The following B3GALT1 variants were observed in gnomAD, a reference collection of about 807,000 sequenced individuals.
B3GALT1 encodes the protein beta-1,3-galactosyltransferase 1.
A neutral mutation model predicts 23.2 loss-of-function variants in B3GALT1; 10 were observed. The observed-to-expected ratio is 0.43, with a 90% confidence interval of 0.27 to 0.73. The LOEUF (loss-of-function observed/expected upper bound fraction) is 0.73, where lower values mean the gene tolerates loss of function less well. Among genes scored for constraint, B3GALT1 ranks in the 30% least tolerant of loss-of-function variants. The probability of loss-of-function intolerance (pLI) is 0.21; values close to 1 mark genes in which losing one functional copy is unlikely to be tolerated. For missense variants in B3GALT1, 299 were observed against 405.4 expected, an observed-to-expected ratio of 0.74 and a Z score of 2.25; for synonymous variants, 156 against 141.5, an observed-to-expected ratio of 1.10 and a Z score of -0.73.
At chr2:167,495,844 A>G (rs960049133) in intron 2 of B3GALT1, among the ~76,000 whole-genome samples, 5 of 152,160 alleles carry the variant, frequency 3.3e-5, no homozygotes, top group African/African-American at 1.2e-4. Context: ...AAGGTGAGGA[A>G]AGGCACCTCA....
intron 2 of B3GALT1, among the ~76,000 whole-genome samples, chr2:167,626,881 A>G (rs780821935): frequency 2.0e-5 from 3 of 151,702 alleles, no homozygotes; most frequent in Non-Finnish European, 4.4e-5. Flanking sequence ...GGTGGAGGAG[A>G]GAGTGGAAAT....
At chr2:167,714,329 T>A in intron 3 of B3GALT1, 3 of 1,496,060 alleles carry the variant, frequency 2.0e-6, no homozygotes, top group Admixed American at 1.7e-5. Context: ...AGTTGACCTA[T>A]CACAGCTTGG....
intron 1 of B3GALT1, among the ~76,000 whole-genome samples, chr2:167,462,882 G>A (rs923600884): frequency 6.6e-6 from 1 of 152,078 alleles, no homozygotes; most frequent in African/African-American, 2.4e-5. Context: ...ACCAAAGGAA[G>A]CACCTTTTTC....
chr2:167,606,394 G>GA (rs1334943153), intron 2 of B3GALT1, among the ~76,000 whole-genome samples: 1 of 152,158 alleles, frequency 6.6e-6, no homozygotes, highest in African/African-American at 2.4e-5. Context: ...TTAAGTCTCT[G>GA]AAAAAATTAT....
intron 1 of B3GALT1, among the ~76,000 whole-genome samples, chr2:167,393,687 T>G (rs531731533): frequency 3.1e-4 from 47 of 152,354 alleles, no homozygotes; most frequent in Non-Finnish European, 5.7e-4. Flanking sequence ...TTTTGGAATT[T>G]CATCTCAATT....
At chr2:167,854,753 A>G (rs558709872) in intron 4 of B3GALT1, among the ~76,000 whole-genome samples, 2 of 152,280 alleles carry the variant, frequency 1.3e-5, no homozygotes, top group East Asian at 3.9e-4. Flanking sequence ...AGAAAAGCTA[A>G]GGGGGAATTG....
chr2:167,541,212 A>G (rs919559336), intron 2 of B3GALT1, among the ~76,000 whole-genome samples: 3 of 152,134 alleles, frequency 2.0e-5, no homozygotes, highest in African/African-American at 7.2e-5. Flanking sequence ...TACCGATCAT[A>G]TGATCAAGAG....
intron 3 of B3GALT1, among the ~76,000 whole-genome samples, chr2:167,771,020 C>T (rs139702786): frequency 2.7e-3 from 418 of 152,278 alleles, no homozygotes; most frequent in Middle Eastern, 0.02. Context: ...TTGTGTAGTA[C>T]AGAAAGAATA....
chr2:167,714,801 T>A, intron 3 of B3GALT1: 1 of 1,612,718 alleles, frequency 6.2e-7, no homozygotes, highest in Non-Finnish European at 8.5e-7. Flanking sequence ...GTGACATGGC[T>A]GATCTTTTCT....
rs1270313129 is a variant in B3GALT1, at chr2:167,561,612, G to T, written c.-410+71335G>T. On this transcript the variant is annotated intron_variant, in intron 2 of 4. Transcript: ENST00000392690. ...GAATCAAATAGACACAATAAAAAAT[G>T]ATAAAGGGGATATCACCACCGATCC... 2.0e-5 allele frequency among the ~76,000 whole-genome samples: 3 copies of T among 152,126 alleles called. No homozygotes were observed. The East Asian group carries it at 5.8e-4, about 29-fold the overall frequency.
intron 3 of B3GALT1, among the ~76,000 whole-genome samples, chr2:167,655,504 T>C (rs1685941795): frequency 6.6e-6 from 1 of 152,144 alleles, no homozygotes; most frequent in South Asian, 2.1e-4. Flanking sequence ...CATGTACATA[T>C]AAATTATGGA....
At chr2:167,479,912 G>A (rs1053744324) in intron 1 of B3GALT1, among the ~76,000 whole-genome samples, 1 of 152,110 alleles carries the variant, frequency 6.6e-6, no homozygotes, top group African/African-American at 2.4e-5. Flanking sequence ...TATTAGCTGG[G>A]GAACCAATTT....
intron 2 of B3GALT1, among the ~76,000 whole-genome samples, chr2:167,491,946 A>G (rs1025614689): frequency 6.6e-6 from 1 of 152,212 alleles, no homozygotes; most frequent in Non-Finnish European, 1.5e-5. Context: ...AACATGGTAC[A>G]TTTGTTACAA....
intron 1 of B3GALT1, among the ~76,000 whole-genome samples, chr2:167,474,181 T>C (rs1344278911): frequency 6.6e-6 from 1 of 152,182 alleles, no homozygotes; most frequent in African/African-American, 2.4e-5. Context: ...CTAATCAGTC[T>C]AATGGTTCAT....
chr2:167,511,130 T>A (rs1459377331), intron 2 of B3GALT1, among the ~76,000 whole-genome samples: 2 of 152,178 alleles, frequency 1.3e-5, no homozygotes, highest in Non-Finnish European at 2.9e-5. Context: ...TTTTCTTTAA[T>A]AAGGAGATAT....
intron 1 of B3GALT1, among the ~76,000 whole-genome samples, chr2:167,364,163 C>CAAAAAAA: frequency 1.6e-5 from 1 of 63,152 alleles, no homozygotes; most frequent in Non-Finnish European, 3.1e-5. Context: ...GACTCCATCT[C>CAAAAAAA]AAAAAAAAAA....
At chr2:167,851,875 T>C (rs1689908684) in intron 4 of B3GALT1, among the ~76,000 whole-genome samples, 1 of 152,216 alleles carries the variant, frequency 6.6e-6, no homozygotes, top group Admixed American at 6.5e-5. Flanking sequence ...GAGCACATTA[T>C]TGCTGTTGTG....
intron 2 of B3GALT1, among the ~76,000 whole-genome samples, chr2:167,513,853 T>G (rs951484739): frequency 6.6e-6 from 1 of 152,166 alleles, no homozygotes; most frequent in African/African-American, 2.4e-5. Context: ...GCTATAAACT[T>G]ATCTACTTTG....
intron 1 of B3GALT1, among the ~76,000 whole-genome samples, chr2:167,363,861 A>G (rs1697540540): frequency 6.6e-6 from 1 of 152,154 alleles, no homozygotes; most frequent in Non-Finnish European, 1.5e-5. Context: ...GTTGTCTGCT[A>G]TGAAAACTGG....
Sources: gnomAD v4.1 joint callset for allele counts (sites outside exome capture counted in the v4.1 genomes callset) on GRCh38, gnomAD v4.1.1 for gene constraint, MANE v1.5 for transcripts, NCBI Gene and HGNC (gene_info 2026-07-23, HGNC 2026-07-21) for gene names.